RIMBP2: variants seen among roughly 807,000 people sequenced by gnomAD.
RIMBP2 encodes the protein RIMS binding protein 2.
In RIMBP2, 48 loss-of-function variants were observed where a neutral mutation model predicts 118.6. The ratio of observed to expected loss-of-function variants is 0.40; its 90% CI spans 0.32 to 0.51. RIMBP2 has a LOEUF of 0.51. Ranked by LOEUF, RIMBP2 falls within the 20% of genes least tolerant of loss-of-function variation. The pLI is 0.41. For synonymous variants in RIMBP2, 762 were observed against 742.9 expected (o/e 1.03, Z -0.42); for missense variants, 1,551 against 1,768.3 (o/e 0.88, Z 2.20).
rs2050925424 is a variant in RIMBP2 at position 130,511,691 on chromosome 12, T to C, written c.-126-4921A>G. On this transcript the variant is annotated intron_variant, in intron 3 of 22. Transcript: ENST00000690449. The surrounding 1 kb of genome is among the most constrained non-coding windows in gnomAD (Gnocchi z 4.3). The stretch of plus-strand genomic sequence containing the variant: ...GAGACCGTCTGTGACACGGTTCTGA[T>C]GAGCCTGGAGCAGAAATCTCTAGAG... Among the ~76,000 whole-genome samples the C allele has an allele frequency of 6.6e-6, 1 of 152,226 alleles. No individual in the cohort carries two copies. Among genetic ancestry groups the C allele is most frequent in the Non-Finnish European group, 1.5e-5 (1 of 68,032 alleles).
At chr12:130,638,709 T>C (rs891973851) in intron 1 of RIMBP2, among the ~76,000 whole-genome samples, 4 of 151,928 alleles carry the variant, frequency 2.6e-5, no homozygotes, top group Non-Finnish European at 4.4e-5. Context: ...GCCAAAAAGG[T>C]TGGAGACCAC....
intron 4 of RIMBP2, among the ~76,000 whole-genome samples, chr12:130,489,338 C>T (rs2048409828): frequency 6.6e-6 from 1 of 152,144 alleles, no homozygotes; most frequent in Non-Finnish European, 1.5e-5. Context: ...ACCCTGCACC[C>T]CAGCCTAGAT....
chr12:130,461,352 G>A (rs958731545), intron 6 of RIMBP2, among the ~76,000 whole-genome samples: 17 of 152,196 alleles, frequency 1.1e-4, no homozygotes, highest in Non-Finnish European at 2.2e-4. Flanking sequence ...AGGGGCAGGG[G>A]CAGGGTAGAC....
At chr12:130,454,738 T>C (rs555226027) in intron 7 of RIMBP2, among the ~76,000 whole-genome samples, 76 of 152,392 alleles carry the variant, frequency 5.0e-4, no homozygotes, top group African/African-American at 1.8e-3. Flanking sequence ...GTTAATCAGA[T>C]TCCTTTTTCC....
chr12:130,416,702 C>T (rs2076119590), intron 17 of RIMBP2, among the ~76,000 whole-genome samples: 1 of 152,170 alleles, frequency 6.6e-6, no homozygotes, highest in Non-Finnish European at 1.5e-5. Context: ...ACAATTGCCA[C>T]ACAAACAAAA....
At chr12:130,537,604 G>A (rs1390460978) in intron 2 of RIMBP2, among the ~76,000 whole-genome samples, 5 of 152,186 alleles carry the variant, frequency 3.3e-5, no homozygotes, top group Admixed American at 2.6e-4. Flanking sequence ...CAGCCTATGC[G>A]AAAGATCCGG....
At chr12:130,671,084 G>C (rs903250081) in intron 1 of RIMBP2, among the ~76,000 whole-genome samples, 1 of 152,138 alleles carries the variant, frequency 6.6e-6, no homozygotes, top group African/African-American at 2.4e-5. Flanking sequence ...TTTCTGATAG[G>C]ACAGAAAAGT....
chr12:130,480,953 G>A (rs939981812), intron 4 of RIMBP2, among the ~76,000 whole-genome samples: 5 of 152,200 alleles, frequency 3.3e-5, no homozygotes, highest in East Asian at 1.9e-4. Flanking sequence ...TGTAGCCTTC[G>A]CAAGTCATGA....
chr12:130,415,660 C>A (rs61934558), intron 17 of RIMBP2, among the ~76,000 whole-genome samples: 103 of 76,694 alleles, frequency 1.3e-3, no homozygotes, highest in South Asian at 7.8e-3. Flanking sequence ...AAGTCAAATT[C>A]TCTCTCTTCA....
At chr12:130,502,490 C>T (rs2049895695) in intron 4 of RIMBP2, among the ~76,000 whole-genome samples, 1 of 151,992 alleles carries the variant, frequency 6.6e-6, no homozygotes, top group East Asian at 1.9e-4. Context: ...AGCATCCATA[C>T]ATCCCAGGCC....
rs1295796399 is a variant in RIMBP2, at chr12:130,437,002, C to A, written c.1946G>T (p.Gly649Val). ...CTCCAGCATGTGCCCATGCACAGGG[C>A]CAGGTGCACGGCTCTGCTCCCAGGC... ...DEAWEQSRAPGPVHGHMLEPP... is the reference protein window; with the variant it reads ...DEAWEQSRAPVPVHGHMLEPP... The change falls in exon 13 of 23, where the codon GGC (glycine) becomes GTC (valine). Residue 649 changes from glycine to valine, a missense_variant. Gly to Val is a moderately radical substitution (Grantham distance 109). Around this residue, in one of 5 missense-constraint regions of RIMBP2, gnomAD observed 1,038 missense variants for 1,125.1 expected, o/e 0.92. Transcript: ENST00000690449. 6 of 1,605,256 alleles carry A rather than the reference C, an allele frequency of 3.7e-6. No homozygotes were observed. Among genetic ancestry groups the A allele is most frequent in the Non-Finnish European group, 5.1e-6 (6 of 1,175,428 alleles).
intron 2 of RIMBP2, among the ~76,000 whole-genome samples, chr12:130,535,247 C>A (rs1336592058): frequency 6.6e-6 from 1 of 152,076 alleles, no homozygotes; most frequent in Non-Finnish European, 1.5e-5. Context: ...GCTCCTAATC[C>A]CAGTGCTTTG....
Position 130,636,563 on chromosome 12 carries a change from C to T in RIMBP2, c.-351-8107G>A, listed in dbSNP as rs186633198. On this transcript the variant is annotated intron_variant, in intron 1 of 22. Transcript: ENST00000690449. ...TTAAATGGACTAGATGAGGTAATAA[C>T]CACATAGCTCTTAGCCCAGTGTTGA... Among the ~76,000 whole-genome samples the T allele has an allele frequency of 2.6e-3, 392 of 152,312 alleles. 6 individuals are homozygous for T. Among genetic ancestry groups the T allele is most frequent in the Non-Finnish European group, 2.7e-3 (187 of 68,034 alleles).
At chr12:130,545,231 G>A (rs899575654) in intron 2 of RIMBP2, among the ~76,000 whole-genome samples, 1 of 152,116 alleles carries the variant, frequency 6.6e-6, no homozygotes, top group African/African-American at 2.4e-5. Context: ...GGTACATCTC[G>A]AGCACAGGAG....
intron 1 of RIMBP2, among the ~76,000 whole-genome samples, chr12:130,713,106 G>A (rs1246548333): frequency 8.8e-6 from 1 of 113,404 alleles, no homozygotes; most frequent in Non-Finnish European, 1.8e-5. Flanking sequence ...AAGAGGGAGA[G>A]AAAAGGAGAG....
At chr12:130,467,824 C>T (rs1396012902) in intron 6 of RIMBP2, among the ~76,000 whole-genome samples, 1 of 152,178 alleles carries the variant, frequency 6.6e-6, no homozygotes, top group East Asian at 1.9e-4. Flanking sequence ...CAGCCTTGGG[C>T]ACATGTCATC....
At chr12:130,408,118 C>T (rs191460258) in intron 19 of RIMBP2, among the ~76,000 whole-genome samples, 2 of 152,302 alleles carry the variant, frequency 1.3e-5, no homozygotes, top group East Asian at 3.9e-4. Flanking sequence ...ACATGAAGCA[C>T]GGGGCTCTCG....
intron 2 of RIMBP2, among the ~76,000 whole-genome samples, chr12:130,566,330 G>C (rs1329040155): frequency 1.3e-5 from 2 of 152,168 alleles, no homozygotes; most frequent in African/African-American, 2.4e-5. Context: ...AAGGTGGCTT[G>C]AAAAATATGT....
intron 2 of RIMBP2, among the ~76,000 whole-genome samples, chr12:130,625,824 T>C (rs1423594431): frequency 6.6e-6 from 1 of 152,202 alleles, no homozygotes; most frequent in Non-Finnish European, 1.5e-5. Flanking sequence ...AATAATCTGC[T>C]TGTGATCCCT....
Sources: gnomAD v4.1 joint callset for allele counts (sites outside exome capture counted in the v4.1 genomes callset) on GRCh38, gnomAD v4.1.1 for gene constraint, gnomAD v4.1.1 regional missense constraint, Gnocchi (gnomAD v3.1) non-coding constraint, MANE v1.5 for transcripts, NCBI Gene and HGNC (gene_info 2026-07-23, HGNC 2026-07-21) for gene names.